The following TNXB variants were observed in gnomAD, a reference collection of about 807,000 sequenced individuals.
The protein encoded by TNXB is tenascin XB, also known as tenascin-X.
Under a neutral mutation model 340.5 loss-of-function variants are expected in TNXB, and 183 were observed. The observed-to-expected ratio is 0.54, with a 90% CI of 0.48 to 0.61. The LOEUF (loss-of-function observed/expected upper bound fraction) is 0.61. TNXB is among the 20% of genes least tolerant of loss of function. TNXB has a pLI of 0.00. For missense variants in TNXB, 4,613 were observed against 5,446.4 expected, an observed-to-expected ratio of 0.85 and a Z score of 4.82; for synonymous variants, 2,121 against 2,314.5, an observed-to-expected ratio of 0.92 and a Z score of 2.40.
In TNXB at chr6:32,052,176, G is replaced by A. The variant is rs1777318015; in HGVS notation, c.9115+494C>T. Among the ~76,000 whole-genome samples, 1 of 152,216 alleles carries A rather than the reference G, an allele frequency of 6.6e-6. No individual in the cohort carries two copies. Among genetic ancestry groups the A allele is most frequent in the Non-Finnish European group, 1.5e-5 (1 of 68,042 alleles). Reference sequence around the variant, plus strand: ...TTGTTAGAAATGGATGGTCGGCTGGGCGCCGTGGCTCACGCCTATGATCCC... The same window carrying A: ...TTGTTAGAAATGGATGGTCGGCTGGACGCCGTGGCTCACGCCTATGATCCC... On this transcript the variant is annotated intron_variant, in intron 26 of 43. Transcript: ENST00000644971. The surrounding 1 kb of genome is among the most constrained non-coding windows in gnomAD (Gnocchi z 4.7).
chr6:32,062,758 T>C lies in TNXB; in HGVS notation c.6842-275A>G, dbSNP rs560643188. Among the ~76,000 whole-genome samples, 3 of 152,290 alleles carry C rather than the reference T, an allele frequency of 2.0e-5. No individual in the cohort carries two copies. In the East Asian group the frequency reaches 5.8e-4, roughly 29 times the overall value. On this transcript the variant is annotated intron_variant, in intron 19 of 43. Coordinates refer to ENST00000644971, the MANE Select transcript of TNXB (RefSeq NM_001365276.2). The surrounding 1 kb of genome is among the most constrained non-coding windows in gnomAD (Gnocchi z 4.3). Reference sequence around the variant, plus strand: ...TTTGCAGGACAGAATTGATGCTTTATAAGAACACCAACCAGGGCCGGGTGT... The same window carrying C: ...TTTGCAGGACAGAATTGATGCTTTACAAGAACACCAACCAGGGCCGGGTGT...
At chr6:32,095,371 T>G in intron 3 of TNXB, among the ~76,000 whole-genome samples, 180 bp from the exon 4 acceptor site, 1 of 152,112 alleles carries the variant, frequency 6.6e-6, no homozygotes, top group East Asian at 1.9e-4. Context: ...CTCTCCATCT[T>G]CAGGAGCACA....
At chr6:32,055,231 C>T (rs1482534182) in intron 24 of TNXB, among the ~76,000 whole-genome samples, 1 of 152,208 alleles carries the variant, frequency 6.6e-6, no homozygotes, top group African/African-American at 2.4e-5. Context: ...TTAACAATCT[C>T]TTTCTAAAGC....
chr6:32,072,500 T>C lies in TNXB; in HGVS notation c.4682-202A>G, dbSNP rs778243783. 1.3e-5 allele frequency among the ~76,000 whole-genome samples: 2 copies of C among 152,238 alleles called. No homozygotes were observed. Among genetic ancestry groups the C allele is most frequent in the Non-Finnish European group, 2.9e-5 (2 of 68,038 alleles). ...AGAATTATTGTGACTTTGTTACCAA[T>C]AGAAACCACAGATGTTTTCATGTCA... On this transcript the variant is annotated intron_variant, in intron 12 of 43. Transcript: ENST00000644971. This position sits in a 1 kb window ranked among gnomAD's most constrained non-coding sequence, Gnocchi z 4.4.
In TNXB at chr6:32,072,109, G is replaced by A. The variant is rs776121487; in HGVS notation, c.4871C>T (p.Ala1624Val). The A allele has an allele frequency of 1.2e-6, 2 of 1,613,154 alleles. No homozygotes were observed. The highest frequency in any genetic ancestry group is 1.7e-6 in the Non-Finnish European group (2 of 1,179,536). Residue 1624 changes from alanine to valine, a missense_variant, in exon 13 of 44, where the codon GCT becomes GTT. Coordinates refer to ENST00000644971, the MANE Select transcript of TNXB (RefSeq NM_001365276.2). The surrounding 1 kb of genome is among the most constrained non-coding windows in gnomAD (Gnocchi z 4.4). The part of the protein sequence containing the change: ...RDGQPQVVPV[A>V]ADQREVTIPD... ...GATAGTGACCTCCCGCTGATCTGCA[G>A]CCACGGGCACCACCTGGGGCTGCCC...
intron 4 of TNXB, among the ~76,000 whole-genome samples, chr6:32,093,017 C>T (rs573834626): frequency 9.8e-5 from 15 of 152,344 alleles, no homozygotes; most frequent in Admixed American, 2.6e-4. Context: ...TGGAAAGCGG[C>T]GCCCTTGACA....
rs745907070 is a variant in TNXB at position 32,061,535 on chromosome 6, GC to G, written c.7353del (p.Gln2453ArgfsTer44). 5 of 1,613,614 alleles carry G rather than the reference GC, an allele frequency of 3.1e-6. No individual in the cohort carries two copies. On this transcript the variant is annotated frameshift_variant, in exon 21 of 44. Transcript: ENST00000644971. LOFTEE classifies it high-confidence loss of function. This position sits in a 1 kb window ranked among gnomAD's most constrained non-coding sequence, Gnocchi z 4.4. ...TCGCCCCCAACACGCACCACCTGGG[GC>G]CGCCCGTCCCTGTCCTTGTACTGCA... ...FTVQYKDRDG[R>X]PQVVRVGGEE...
Position 32,067,590 on chromosome 6 carries a change from C to A in TNXB, c.6544+71G>T. 6.4e-7 allele frequency: 1 copy of A among 1,552,956 alleles called. No homozygotes were observed. On this transcript the variant is annotated intron_variant, in intron 18 of 43. Transcript: ENST00000644971. The surrounding 1 kb of genome is among the most constrained non-coding windows in gnomAD (Gnocchi z 4.2). The stretch of plus-strand genomic sequence containing the variant: ...TTTGAGGTCTTGGGGTTCTGGGTCC[C>A]TAGTGGAGGAGATGCTGGAGGCTGT...
Position 32,067,902 on chromosome 6 carries a change from T to C in TNXB, c.6303A>G (p.Leu2101=), listed in dbSNP as rs761030884. 204 of 1,612,698 alleles carry C rather than the reference T, an allele frequency of 1.3e-4. No individual in the cohort carries two copies. Among genetic ancestry groups the C allele is most frequent in the Admixed American group, 5.7e-4 (34 of 60,010 alleles). Residue 2101 remains leucine (L), a synonymous_variant, in exon 18 of 44, where the codon CTA becomes CTG. Coordinates refer to ENST00000644971, the MANE Select transcript of TNXB (RefSeq NM_001365276.2). The surrounding 1 kb of genome is among the most constrained non-coding windows in gnomAD (Gnocchi z 4.2). The part of the protein sequence containing the change: ...EPAEEPLLGE[L]TVTGSSPDSL... The stretch of plus-strand genomic sequence containing the variant: ...AGTCAGGGGAGGATCCTGTCACTGT[T>C]AGCTCCCCCAGGAGCGGCTCCTCAG...
chr6:32,041,567 G>C, intron 43 of TNXB, 117 bp from the exon 44 acceptor site: 1 of 1,056,440 alleles, frequency 9.5e-7, no homozygotes, highest in Non-Finnish European at 1.4e-6. Context: ...CTCCCTTCCT[G>C]ACCCTCCGCT....
Position 32,074,273 on chromosome 6 carries a change from C to T in TNXB, c.4376-321G>A, listed in dbSNP as rs148615373. On this transcript the variant is annotated intron_variant, in intron 11 of 43. Coordinates refer to ENST00000644971, the MANE Select transcript of TNXB (RefSeq NM_001365276.2). The surrounding 1 kb of genome is among the most constrained non-coding windows in gnomAD (Gnocchi z 5.5). ...CCCCTGACCTCAGGTGATCCACCTG[C>T]CTCAGCCCCCAAAGTGCTGGGATTA... Among the ~76,000 whole-genome samples the T allele has an allele frequency of 3.4e-3, 519 of 152,312 alleles. 2 individuals carry two copies. Among genetic ancestry groups the T allele is most frequent in the African/African-American group, 0.012 (484 of 41,566 alleles).
chr6:32,099,998 T>C (rs1780634906), intron 1 of TNXB, among the ~76,000 whole-genome samples: 1 of 145,136 alleles, frequency 6.9e-6, no homozygotes, highest in African/African-American at 2.6e-5. Context: ...ATGTCTGATA[T>C]ACCGAAATTA....
chr6:32,096,163 G>C lies in TNXB; in HGVS notation c.1690C>G (p.Arg564Gly). The C allele has an allele frequency of 1.3e-6, 2 of 1,578,616 alleles. No individual in the cohort carries two copies. The highest frequency in any genetic ancestry group is 1.2e-5 in the South Asian group (1 of 86,756). ...CSTRSCPGGCRGRGQCLDGRC... is the reference protein window; with the variant it reads ...CSTRSCPGGCGGRGQCLDGRC... ...CCATCTAGGCACTGGCCGCGGCCTCGGCAGCCCCCGGGGCAGCTGCGCGTG... is the reference window on the plus strand; with the variant it reads ...CCATCTAGGCACTGGCCGCGGCCTCCGCAGCCCCCGGGGCAGCTGCGCGTG... The change falls in exon 3 of 44, where the codon CGA becomes GGA. Residue 564 changes from arginine to glycine, a missense_variant. Transcript: ENST00000644971.
At position 32,082,631 on chromosome 6, in the gene TNXB, A is replaced by C. The variant is rs1779538450; in HGVS notation, c.3446-305T>G. Among the ~76,000 whole-genome samples the C allele has an allele frequency of 6.6e-6, 1 of 152,154 alleles. No individual in the cohort carries two copies. Among genetic ancestry groups the C allele is most frequent in the Admixed American group, 6.5e-5 (1 of 15,280 alleles). ...CAGAGCAGCAGGGAGCTTCAGAAAG[A>C]GGGGAGCCCAGCCAGGCCCTTTCAC... On this transcript the variant is annotated intron_variant, in intron 8 of 43. Coordinates refer to ENST00000644971, the MANE Select transcript of TNXB (RefSeq NM_001365276.2). The surrounding 1 kb of genome is among the most constrained non-coding windows in gnomAD (Gnocchi z 5.0).
In TNXB at chr6:32,064,120, C is replaced by T. The variant is rs1778186411; in HGVS notation, c.6841+701G>A. Among the ~76,000 whole-genome samples, 1 of 152,140 alleles carries T rather than the reference C, an allele frequency of 6.6e-6. No individual in the cohort carries two copies. Among genetic ancestry groups the T allele is most frequent in the African/African-American group, 2.4e-5 (1 of 41,420 alleles). On this transcript the variant is annotated intron_variant, in intron 19 of 43. Coordinates refer to ENST00000644971, the MANE Select transcript of TNXB (RefSeq NM_001365276.2). The surrounding 1 kb of genome is among the most constrained non-coding windows in gnomAD (Gnocchi z 5.3). ...CTCATTGTGTGTGAGAGCCAAGCCA[C>T]ACTCCCGCCCACCCTTCACGACAGG...
At position 32,073,211 on chromosome 6, in the gene TNXB, T is replaced by C. The variant is rs913410089; in HGVS notation, c.4681+436A>G. Among the ~76,000 whole-genome samples the C allele has an allele frequency of 1.3e-4, 19 of 151,944 alleles. No individual in the cohort carries two copies. The highest frequency in any genetic ancestry group is 2.2e-4 in the Non-Finnish European group (15 of 67,970). ...TGGGATGGAATGCAGTGCAGGCAGG[T>C]GGCAGAGGACTCCTGAGAAGGGACT... On this transcript the variant is annotated intron_variant, in intron 12 of 43. Coordinates refer to ENST00000644971, the MANE Select transcript of TNXB (RefSeq NM_001365276.2). The surrounding 1 kb of genome is among the most constrained non-coding windows in gnomAD (Gnocchi z 4.6).
chr6:32,065,115 G>A lies in TNXB; in HGVS notation c.6547C>T (p.Pro2183Ser). The change falls in exon 19 of 44, where the codon CCC (proline) becomes TCC (serine). Residue 2183 changes from proline (P) to serine (S), a missense_variant and splice_region_variant. By Grantham distance (74) the Pro-to-Ser change is moderately conservative. Transcript: ENST00000644971. Reference sequence around the variant, plus strand: ...GGAGCATCAGGGGACTCCTCTTCGGGGGCTAGGAAGAGATAGAAACAGAAT... The same window carrying A: ...GGAGCATCAGGGGACTCCTCTTCGGAGGCTAGGAAGAGATAGAAACAGAAT... ...GPVSAVGVTA[P>S]EEESPDAPLA... The A allele has an allele frequency of 6.4e-7, 1 of 1,562,674 alleles. No homozygotes were observed. The highest frequency in any genetic ancestry group is 8.7e-7 in the Non-Finnish European group (1 of 1,152,080).
At chr6:32,101,114 C>G (rs995751882) in intron 1 of TNXB, among the ~76,000 whole-genome samples, 1 of 118,320 alleles carries the variant, frequency 8.5e-6, no homozygotes, top group Non-Finnish European at 1.8e-5. Flanking sequence ...CTCTGCAAAA[C>G]AAAATAAGCC....
At position 32,095,714 on chromosome 6, in the gene TNXB, G is replaced by A. The variant is rs756090443; in HGVS notation, c.2139C>T (p.Asp713=). 5.0e-6 allele frequency: 8 copies of A among 1,613,908 alleles called. No individual in the cohort carries two copies. In the African/African-American group the frequency reaches 1.1e-4, roughly 22 times the overall value. ...CVCVEGFRGP[D]CAIQTCPGDC... ...CCCCTGGGCATGTCTGGATGGCACA[G>A]TCAGGGCCTCGGAAGCCCTCTACAC... The change falls in exon 3 of 44, where the codon GAC becomes GAT. Residue 713 remains aspartate (D), a synonymous_variant. Coordinates refer to ENST00000644971, the MANE Select transcript of TNXB (RefSeq NM_001365276.2).
Sources: gnomAD v4.1 joint callset for allele counts (sites outside exome capture counted in the v4.1 genomes callset) on GRCh38, gnomAD v4.1.1 for gene constraint, Gnocchi (gnomAD v3.1) non-coding constraint, MANE v1.5 for transcripts, NCBI Gene and HGNC (gene_info 2026-07-23, HGNC 2026-07-21) for gene names.